The following DOCK4 variants were observed in gnomAD, a reference collection of about 807,000 sequenced individuals.
The protein encoded by DOCK4 is dedicator of cytokinesis 4, also known as dedicator of cytokinesis protein 4.
A neutral mutation model predicts 268.1 loss-of-function variants in DOCK4; 97 were observed. That is an observed-to-expected ratio of 0.36 (90% CI 0.31 to 0.43). The LOEUF (loss-of-function observed/expected upper bound fraction) is 0.43, where lower values mean the gene tolerates loss of function less well. DOCK4 is among the 20% of genes least tolerant of loss of function. The pLI is 1.00. For missense variants in DOCK4, 2,145 were observed against 2,455.7 expected (o/e 0.87, Z 2.67); for synonymous variants, 954 against 887.2 (o/e 1.08, Z -1.34).
At chr7:112,078,754 T>C (rs772365430) in intron 1 of DOCK4, among the ~76,000 whole-genome samples, 1 of 152,182 alleles carries the variant, frequency 6.6e-6, no homozygotes, top group African/African-American at 2.4e-5. Flanking sequence ...CTCACTCACT[T>C]ATACACGTAT....
intron 8 of DOCK4, among the ~76,000 whole-genome samples, chr7:111,972,810 C>T (rs1031380700): frequency 2.0e-5 from 3 of 151,380 alleles, no homozygotes; most frequent in African/African-American, 4.9e-5. Context: ...GTTCTCTGTC[C>T]TTCTATCTTT....
chr7:111,758,775 G>A lies in DOCK4; in HGVS notation c.4178C>T (p.Ala1393Val), dbSNP rs773286846. The A allele has an allele frequency of 6.2e-7, 1 of 1,613,758 alleles. No individual in the cohort carries two copies. Among genetic ancestry groups the A allele is most frequent in the Non-Finnish European group, 8.5e-7 (1 of 1,179,788 alleles). ...QAEAQYLQIYAVTPIPESQEV... is the reference protein window; with the variant it reads ...QAEAQYLQIYVVTPIPESQEV... ...CTGGCTCTCTGGAATGGGAGTCACA[G>A]CATATATCTGCAAATCTAGGATTCA... The change falls in exon 41 of 53, where the codon GCT (alanine) becomes GTT (valine). Residue 1393 changes from alanine to valine, a missense_variant. Ala to Val is a moderately conservative substitution (Grantham distance 64, BLOSUM62 0). Transcript: ENST00000428084.
At chr7:112,087,468 C>T (rs535776869) in intron 1 of DOCK4, among the ~76,000 whole-genome samples, 25 of 152,084 alleles carry the variant, frequency 1.6e-4, no homozygotes, top group Middle Eastern at 3.4e-3. Flanking sequence ...TCACTGAAGA[C>T]GCCTATATAA....
chr7:112,066,351 C>G (rs1028981387), intron 1 of DOCK4, among the ~76,000 whole-genome samples: 2 of 151,826 alleles, frequency 1.3e-5, no homozygotes, highest in African/African-American at 2.4e-5. Flanking sequence ...GGTTCTGAGG[C>G]CTTTAGACTT....
intron 29 of DOCK4, 37 bp downstream of exon 29, chr7:111,809,264 G>C: frequency 6.9e-7 from 1 of 1,447,904 alleles, no homozygotes. Context: ...CTCTTTAAGA[G>C]GCAACATTTC....
chr7:112,003,210 G>A (rs1054255253), intron 2 of DOCK4, among the ~76,000 whole-genome samples: 3 of 151,932 alleles, frequency 2.0e-5, no homozygotes, highest in African/African-American at 7.3e-5. Flanking sequence ...GTGAGACTCT[G>A]TCTCTACAAA....
At chr7:112,048,907 CT>C (rs746583246) in intron 1 of DOCK4, among the ~76,000 whole-genome samples, 2 of 152,042 alleles carry the variant, frequency 1.3e-5, no homozygotes, top group Non-Finnish European at 2.9e-5. Flanking sequence ...CACGCATTAG[CT>C]ATTTATCCTG....
At chr7:111,808,972 A>G in intron 29 of DOCK4, 93 bp from the exon 30 acceptor site, 3 of 1,409,678 alleles carry the variant, frequency 2.1e-6, no homozygotes, top group Non-Finnish European at 2.9e-6. Context: ...ATTCTGAATT[A>G]CAAGGCAAGG....
chr7:111,824,812 G>T (rs991804084), intron 26 of DOCK4, among the ~76,000 whole-genome samples: 1 of 152,110 alleles, frequency 6.6e-6, no homozygotes, highest in Non-Finnish European at 1.5e-5. Context: ...ACTATAAAAG[G>T]CTGTGGCAGC....
intron 1 of DOCK4, among the ~76,000 whole-genome samples, chr7:112,070,769 G>A (rs544953730): frequency 1.3e-5 from 2 of 152,196 alleles, no homozygotes; most frequent in East Asian, 1.9e-4. Flanking sequence ...AAAAGAAATC[G>A]CCTAAATCTA....
In DOCK4 at chr7:111,886,699, C is replaced by T. The variant is rs537593070; in HGVS notation, c.1587+8913G>A. Among the ~76,000 whole-genome samples the T allele has an allele frequency of 7.2e-5, 11 of 152,180 alleles. No individual in the cohort carries two copies. The South Asian group carries it at 1.5e-3, about 20-fold the overall frequency. On this transcript the variant is annotated intron_variant, in intron 16 of 52. Transcript: ENST00000428084. Reference sequence around the variant, plus strand: ...AGACTATGGGGACACGACCATTCAACGCAATGTGGGATCTTGGAATGGATC... The same window carrying T: ...AGACTATGGGGACACGACCATTCAATGCAATGTGGGATCTTGGAATGGATC...
chr7:111,732,040 G>A (rs887677461), intron 52 of DOCK4, among the ~76,000 whole-genome samples, 186 bp downstream of exon 52: 6 of 152,296 alleles, frequency 3.9e-5, no homozygotes, highest in Admixed American at 1.3e-4. Context: ...GGCTGCGTTT[G>A]TGCAGGAGGC....
chr7:111,997,338 T>C (rs1800051222), intron 4 of DOCK4, among the ~76,000 whole-genome samples: 1 of 152,244 alleles, frequency 6.6e-6, no homozygotes, highest in African/African-American at 2.4e-5. Context: ...ATGCTTTTAA[T>C]CTATTATTCA....
intron 27 of DOCK4, chr7:111,819,676 G>T (rs942085843): frequency 3.9e-5 from 6 of 152,168 alleles, no homozygotes; most frequent in African/African-American, 1.4e-4. Flanking sequence ...CTTGAAAACA[G>T]AGGAAGAAAG....
chr7:112,110,483 C>A (rs1181149144), intron 1 of DOCK4, among the ~76,000 whole-genome samples: 1 of 152,178 alleles, frequency 6.6e-6, no homozygotes, highest in Non-Finnish European at 1.5e-5. Flanking sequence ...AATGTTATTA[C>A]CCCTGCATCA....
At chr7:111,897,192 A>G (rs1266151024) in intron 15 of DOCK4, among the ~76,000 whole-genome samples, 1 of 151,928 alleles carries the variant, frequency 6.6e-6, no homozygotes, top group Non-Finnish European at 1.5e-5. Context: ...CACTAAAACC[A>G]CTTGTCAGGT....
chr7:111,873,995 A>G (rs1806638913), intron 17 of DOCK4, among the ~76,000 whole-genome samples: 1 of 152,176 alleles, frequency 6.6e-6, no homozygotes, highest in Non-Finnish European at 1.5e-5. Flanking sequence ...AAACCTTTTA[A>G]AACTGATTGG....
chr7:111,770,812 A>G (rs1798082007), intron 36 of DOCK4, among the ~76,000 whole-genome samples: 1 of 152,186 alleles, frequency 6.6e-6, no homozygotes, highest in Admixed American at 6.5e-5. Context: ...TTCTTCATTT[A>G]TTTGCCTTTA....
At chr7:111,862,647 C>T (rs1805643705) in intron 23 of DOCK4, among the ~76,000 whole-genome samples, 1 of 151,666 alleles carries the variant, frequency 6.6e-6, no homozygotes, top group African/African-American at 2.4e-5. Flanking sequence ...CCTCTCAACA[C>T]ACTCGGGTAA....
Sources: allele counts gnomAD v4.1 joint callset (sites outside exome capture counted in the v4.1 genomes callset), GRCh38; gene constraint gnomAD v4.1.1; transcripts MANE v1.5; gene names NCBI Gene and HGNC (gene_info 2026-07-23, HGNC 2026-07-21).